FAM114A1: variants seen among roughly 807,000 people sequenced by gnomAD.
FAM114A1 encodes protein NOXP20.
Under a neutral mutation model 64.3 loss-of-function variants are expected in FAM114A1, and 62 were observed. The observed-to-expected ratio is 0.96, with a 90% CI of 0.79 to 1.19. FAM114A1 has a LOEUF of 1.19. FAM114A1 is among the 50% of genes most tolerant of loss of function. The pLI is 0.00. For missense variants in FAM114A1, 645 were observed against 676.3 expected (o/e 0.95, Z 0.51); for synonymous variants, 254 against 251.1 (o/e 1.01, Z -0.11).
In FAM114A1 at chr4:38,906,465, G is replaced by T. The variant is rs149165929; in HGVS notation, c.657+604G>T. 1.1e-3 allele frequency among the ~76,000 whole-genome samples: 165 copies of T among 152,270 alleles called. 3 individuals are homozygous for T. In the East Asian group the frequency reaches 0.024, roughly 22 times the overall value. On this transcript the variant is annotated intron_variant, in intron 6 of 14. Coordinates refer to ENST00000358869, the MANE Select transcript of FAM114A1 (RefSeq NM_138389.4). Reference sequence around the variant, plus strand: ...AAACATTGGTGAATAATGAAAAAAGGGGAGGCACCTCAACTGAGATAAGGC... The same window carrying T: ...AAACATTGGTGAATAATGAAAAAAGTGGAGGCACCTCAACTGAGATAAGGC...
rs529570211 is a variant in FAM114A1, at chr4:38,936,622, G to A, written c.1536+832G>A. ...GCCTGGAGTGCAGTGGCACAATATC[G>A]GCTCACCGCAGCCTCCACCTCCTGG... On this transcript the variant is annotated intron_variant, in intron 13 of 14. Transcript: ENST00000358869. Among the ~76,000 whole-genome samples, 31 of 143,000 alleles carry A rather than the reference G, an allele frequency of 2.2e-4. No homozygotes were observed. The South Asian group carries it at 2.4e-3, about 11-fold the overall frequency. The allele number at this position is 143,000 out of a possible 152,430, so 93.8% of individuals were successfully genotyped here.
intron 6 of FAM114A1, 118 bp from the exon 7 acceptor site, chr4:38,908,474 A>G: frequency 2.0e-6 from 2 of 992,340 alleles, no homozygotes; most frequent in Non-Finnish European, 2.8e-6. Flanking sequence ...ATGAGAAAAA[A>G]TTGTGACTTT....
intron 4 of FAM114A1, among the ~76,000 whole-genome samples, chr4:38,900,013 C>T (rs771536389): frequency 3.9e-5 from 6 of 152,012 alleles, no homozygotes; most frequent in Non-Finnish European, 8.8e-5. Flanking sequence ...GGCTGGCCCA[C>T]CTTCTGTTAT....
intron 3 of FAM114A1, among the ~76,000 whole-genome samples, chr4:38,883,070 C>A (rs1175190758): frequency 6.6e-6 from 1 of 152,212 alleles, no homozygotes; most frequent in Non-Finnish European, 1.5e-5. Context: ...CACTCTACAA[C>A]CTCCGTGAGA....
At chr4:38,919,929 G>A (rs1449217451) in intron 8 of FAM114A1, among the ~76,000 whole-genome samples, 2 of 152,062 alleles carry the variant, frequency 1.3e-5, no homozygotes, top group Admixed American at 6.6e-5. Flanking sequence ...AATCATTTTC[G>A]GCTGGGCGCG....
At chr4:38,907,829 TGTAA>T (rs2109686132) in intron 6 of FAM114A1, among the ~76,000 whole-genome samples, 1 of 152,226 alleles carries the variant, frequency 6.6e-6, no homozygotes, top group African/African-American at 2.4e-5. Flanking sequence ...ACAGTTGGAG[TGTAA>T]GTATGAAAGA....
intron 2 of FAM114A1, 111 bp from the exon 3 acceptor site, chr4:38,877,960 G>A (rs113901907): frequency 0.25 from 206,099 of 830,532 alleles, 28,207 homozygotes; most frequent in African/African-American, 0.33. Flanking sequence ...GCGAAACTCC[G>A]TCTCAAAAAA....
At chr4:38,896,287 G>A (rs1358655643) in intron 4 of FAM114A1, among the ~76,000 whole-genome samples, 2 of 152,180 alleles carry the variant, frequency 1.3e-5, no homozygotes, top group Admixed American at 6.5e-5. Flanking sequence ...GAATGCAATA[G>A]AAGTATAACT....
chr4:38,912,850 C>G (rs1718689687), intron 7 of FAM114A1, among the ~76,000 whole-genome samples: 1 of 152,162 alleles, frequency 6.6e-6, no homozygotes, highest in African/African-American at 2.4e-5. Context: ...TTACCACCAC[C>G]AAGTCCTGAG....
intron 4 of FAM114A1, among the ~76,000 whole-genome samples, chr4:38,901,343 C>T (rs1717500320): frequency 2.0e-5 from 3 of 151,998 alleles, no homozygotes; most frequent in South Asian, 4.2e-4. Context: ...GGCTGGAGTG[C>T]GATGGTGCAA....
At chr4:38,868,095 G>T in intron 1 of FAM114A1, 2 of 366,664 alleles carry the variant, frequency 5.5e-6, no homozygotes, top group Middle Eastern at 4.2e-4. Context: ...CCGGGTCCAC[G>T]CTCATGCACA....
At chr4:38,918,528 G>A (rs569958229) in intron 8 of FAM114A1, among the ~76,000 whole-genome samples, 1 of 152,310 alleles carries the variant, frequency 6.6e-6, no homozygotes, top group East Asian at 1.9e-4. Context: ...TACTTTTTCA[G>A]TATAAATGTG....
At chr4:38,880,155 GAATA>G (rs1436030920) in intron 3 of FAM114A1, among the ~76,000 whole-genome samples, 1 of 145,076 alleles carries the variant, frequency 6.9e-6, no homozygotes, top group Non-Finnish European at 1.5e-5. Context: ...GAATAGAATA[GAATA>G]GAATAGAATA....
chr4:38,890,841 A>G (rs1716293906), intron 3 of FAM114A1, among the ~76,000 whole-genome samples: 1 of 152,254 alleles, frequency 6.6e-6, no homozygotes, highest in Admixed American at 6.5e-5. Context: ...ACATTTAAAA[A>G]AATGAACAAG....
intron 9 of FAM114A1, among the ~76,000 whole-genome samples, chr4:38,923,362 A>T (rs1422579957): frequency 6.6e-6 from 1 of 151,482 alleles, no homozygotes; most frequent in Non-Finnish European, 1.5e-5. Flanking sequence ...TAGCTGGGAT[A>T]CAGGCGCTTG....
At chr4:38,874,283 A>G (rs1449205921) in intron 2 of FAM114A1, among the ~76,000 whole-genome samples, 1 of 152,240 alleles carries the variant, frequency 6.6e-6, no homozygotes, top group African/African-American at 2.4e-5. Flanking sequence ...TAAGCACTCA[A>G]TAAATGATAG....
At chr4:38,934,939 A>G (rs1382601843) in intron 12 of FAM114A1, among the ~76,000 whole-genome samples, 1 of 148,686 alleles carries the variant, frequency 6.7e-6, no homozygotes, top group Non-Finnish European at 1.5e-5. Flanking sequence ...TTTGAGATGG[A>G]GTTTTGCTCT....
intron 3 of FAM114A1, among the ~76,000 whole-genome samples, chr4:38,881,156 A>C (rs1372795031): frequency 6.6e-6 from 1 of 151,348 alleles, no homozygotes; most frequent in Non-Finnish European, 1.5e-5. Context: ...GTGAGCTGAG[A>C]TTGAGCCACT....
rs1718865023 is a variant in FAM114A1, at chr4:38,914,647, G to T, written c.793-274G>T. ...CGCCTCAGTGGAAACCACTGTTAAA[G>T]CTTTTGGTGTGTTTCTTAACAGTTT... On this transcript the variant is annotated intron_variant, in intron 7 of 14. Coordinates refer to ENST00000358869, the MANE Select transcript of FAM114A1 (RefSeq NM_138389.4). 3 of 328,982 alleles carry T rather than the reference G, an allele frequency of 9.1e-6. No homozygotes were observed. In the East Asian group the frequency reaches 1.5e-4, roughly 17 times the overall value. 20.4% of individuals were successfully genotyped at this position (328,982 alleles called of 1,614,324 possible).
Sources: allele counts gnomAD v4.1 joint callset (sites outside exome capture counted in the v4.1 genomes callset), GRCh38; gene constraint gnomAD v4.1.1; transcripts MANE v1.5; gene names NCBI Gene and HGNC (gene_info 2026-07-23, HGNC 2026-07-21).